Variants in SPIDR observed in about 807,000 individuals in gnomAD.
The protein encoded by SPIDR is DNA repair-scaffolding protein.
SPIDR carries 93 observed loss-of-function variants against 104.6 expected under a neutral mutation model. The observed-to-expected ratio is 0.89, with a 90% CI of 0.75 to 1.06. The LOEUF (loss-of-function observed/expected upper bound fraction) is 1.06, where lower values mean the gene tolerates loss of function less well. SPIDR is among the 50% of genes least tolerant of loss of function. SPIDR has a pLI of 0.00. For missense variants in SPIDR, 1,154 were observed against 1,111.2 expected, an observed-to-expected ratio of 1.04 and a Z score of -0.55; for synonymous variants, 431 against 416.9, an observed-to-expected ratio of 1.03 and a Z score of -0.41.
intron 7 of SPIDR, among the ~76,000 whole-genome samples, chr8:47,440,115 A>G (rs941485553): frequency 2.0e-5 from 3 of 152,228 alleles, no homozygotes; most frequent in Non-Finnish European, 2.9e-5. Flanking sequence ...CATGTATTAA[A>G]TGCAACATGC....
chr8:47,478,155 G>C (rs1412521757), intron 8 of SPIDR, among the ~76,000 whole-genome samples: 1 of 152,212 alleles, frequency 6.6e-6, no homozygotes, highest in East Asian at 1.9e-4. Flanking sequence ...TCAGGTCTGT[G>C]TTTTAGAAAA....
intron 3 of SPIDR, among the ~76,000 whole-genome samples, chr8:47,286,583 G>A (rs949401292): frequency 2.0e-5 from 3 of 151,882 alleles, no homozygotes; most frequent in African/African-American, 7.3e-5. Flanking sequence ...AGACCACATC[G>A]CTTACAAAAA....
At chr8:47,564,079 T>C (rs1412192364) in intron 8 of SPIDR, among the ~76,000 whole-genome samples, 4 of 128,414 alleles carry the variant, frequency 3.1e-5, no homozygotes, top group South Asian at 2.6e-4. Context: ...TTTCTTTTTT[T>C]TTTTTTTTTT....
At chr8:47,407,122 A>G (rs2062863012) in intron 6 of SPIDR, among the ~76,000 whole-genome samples, 1 of 152,192 alleles carries the variant, frequency 6.6e-6, no homozygotes, top group South Asian at 2.1e-4. Flanking sequence ...ACATACACCT[A>G]TATATTTATA....
intron 10 of SPIDR, among the ~76,000 whole-genome samples, chr8:47,602,830 A>C (rs1161101826): frequency 1.3e-5 from 2 of 152,246 alleles, no homozygotes; most frequent in Non-Finnish European, 2.9e-5. Flanking sequence ...CTGCACTGTG[A>C]AACATTATCA....
chr8:47,262,461 A>C (rs1455009714), intron 1 of SPIDR, among the ~76,000 whole-genome samples: 2 of 152,178 alleles, frequency 1.3e-5, no homozygotes, highest in Admixed American at 6.5e-5. Context: ...GGCTCAACTA[A>C]GTGGTTGTAG....
At chr8:47,563,463 C>T (rs941555029) in intron 8 of SPIDR, among the ~76,000 whole-genome samples, 3 of 152,110 alleles carry the variant, frequency 2.0e-5, no homozygotes, top group African/African-American at 7.2e-5. Flanking sequence ...TGTGAGCCAT[C>T]GCACCTGGCC....
chr8:47,264,778 A>G (rs2033525014), intron 1 of SPIDR, among the ~76,000 whole-genome samples: 1 of 151,958 alleles, frequency 6.6e-6, no homozygotes, highest in Non-Finnish European at 1.5e-5. Flanking sequence ...TCGTTTCTTT[A>G]TAAAATGGGG....
At chr8:47,664,991 G>A (rs1304135470) in intron 10 of SPIDR, among the ~76,000 whole-genome samples, 1 of 152,078 alleles carries the variant, frequency 6.6e-6, no homozygotes, top group Non-Finnish European at 1.5e-5. Context: ...ACATGATTAA[G>A]TGCACCAAAA....
At chr8:47,646,315 G>C (rs2070349083) in intron 10 of SPIDR, among the ~76,000 whole-genome samples, 1 of 152,178 alleles carries the variant, frequency 6.6e-6, no homozygotes, top group Non-Finnish European at 1.5e-5. Flanking sequence ...TGGAGGGAGA[G>C]TACATTGTCA....
At chr8:47,460,177 ATTGT>A (rs2073710378) in intron 8 of SPIDR, among the ~76,000 whole-genome samples, 1 of 152,116 alleles carries the variant, frequency 6.6e-6, no homozygotes, top group South Asian at 2.1e-4. Context: ...GTTTAAATCC[ATTGT>A]TTGTTTGTTG....
intron 8 of SPIDR, among the ~76,000 whole-genome samples, chr8:47,554,059 A>C (rs1304538685): frequency 6.6e-6 from 1 of 152,090 alleles, no homozygotes; most frequent in African/African-American, 2.4e-5. Context: ...GAGGCTGCAG[A>C]ACAGCAAATA....
At chr8:47,274,172 A>G (rs1164448553) in intron 1 of SPIDR, among the ~76,000 whole-genome samples, 1 of 152,198 alleles carries the variant, frequency 6.6e-6, no homozygotes, top group Non-Finnish European at 1.5e-5. Context: ...TAATGACCAG[A>G]TATATTTCAT....
At chr8:47,481,816 A>T (rs1022757048) in intron 8 of SPIDR, among the ~76,000 whole-genome samples, 3 of 152,238 alleles carry the variant, frequency 2.0e-5, no homozygotes, top group Non-Finnish European at 4.4e-5. Context: ...GAAGTCATTG[A>T]AGGGAACTCT....
intron 8 of SPIDR, among the ~76,000 whole-genome samples, chr8:47,582,446 C>CAG (rs1408061521): frequency 6.6e-6 from 1 of 152,162 alleles, no homozygotes; most frequent in Non-Finnish European, 1.5e-5. Flanking sequence ...TCACCGTTGA[C>CAG]AGTGCTGATA....
intron 11 of SPIDR, among the ~76,000 whole-genome samples, chr8:47,682,254 C>CAA (rs752295991): frequency 3.9e-4 from 28 of 72,100 alleles, no homozygotes; most frequent in African/African-American, 5.8e-4. Flanking sequence ...ATGCTAAGTC[C>CAA]AAAAAAAAAA....
At chr8:47,731,882 G>T (rs2085303308) in intron 19 of SPIDR, among the ~76,000 whole-genome samples, 1 of 152,232 alleles carries the variant, frequency 6.6e-6, no homozygotes, top group Admixed American at 6.5e-5. Context: ...TCTTGATGGA[G>T]AATGTTGGGA....
chr8:47,336,573 T>C (rs1016581626), intron 5 of SPIDR, among the ~76,000 whole-genome samples: 2 of 152,204 alleles, frequency 1.3e-5, no homozygotes, highest in Admixed American at 6.5e-5. Flanking sequence ...ATCTCATTGT[T>C]TGGATGTGGT....
intron 5 of SPIDR, among the ~76,000 whole-genome samples, chr8:47,303,825 C>G (rs964766682): frequency 6.6e-6 from 1 of 152,016 alleles, no homozygotes; most frequent in African/African-American, 2.4e-5. Context: ...TACAGGCGCC[C>G]GTCACCATGC....
Sources: allele counts gnomAD v4.1 joint callset (sites outside exome capture counted in the v4.1 genomes callset), GRCh38; gene constraint gnomAD v4.1.1; transcripts MANE v1.5; gene names NCBI Gene and HGNC (gene_info 2026-07-23, HGNC 2026-07-21).